FAM13A: variants seen among roughly 807,000 people sequenced by gnomAD.
The protein encoded by FAM13A is protein FAM13A.
Under a neutral mutation model 129.6 loss-of-function variants are expected in FAM13A, and 76 were observed. The observed-to-expected ratio is 0.59, with a 90% CI of 0.49 to 0.71. The LOEUF (loss-of-function observed/expected upper bound fraction) is 0.71. Among genes scored for constraint, FAM13A ranks in the 30% least tolerant of loss-of-function variants. FAM13A has a pLI of 0.00. For missense variants in FAM13A, 1,108 were observed against 1,249.3 expected, an observed-to-expected ratio of 0.89 and a Z score of 1.70; for synonymous variants, 443 against 449.9, an observed-to-expected ratio of 0.98 and a Z score of 0.20.
At chr4:88,945,988 GTGTATATATATATATATATATATA>G (rs1455227428) in intron 4 of FAM13A, among the ~76,000 whole-genome samples, 1 of 13,676 alleles carries the variant, frequency 7.3e-5, no homozygotes, top group African/African-American at 3.3e-4. Context: ...GTGTGTGTGT[GTGTATATATATATATATATATATA>G]TATATATATA....
chr4:88,762,951 G>A (rs182966209), intron 13 of FAM13A, among the ~76,000 whole-genome samples: 1 of 152,176 alleles, frequency 6.6e-6, no homozygotes, highest in East Asian at 1.9e-4. Context: ...ACTAAACATT[G>A]TCAAAAATGC....
At chr4:88,731,292 G>C (rs76146228) in intron 23 of FAM13A, 35 bp downstream of exon 23, 4 of 1,200,636 alleles carry the variant, frequency 3.3e-6, no homozygotes, top group East Asian at 2.3e-5. Context: ...TGGTGCGGCG[G>C]GGGGGAAGGG....
At chr4:88,885,386 A>C (rs1744244262) in intron 6 of FAM13A, among the ~76,000 whole-genome samples, 1 of 152,206 alleles carries the variant, frequency 6.6e-6, no homozygotes, top group Non-Finnish European at 1.5e-5. Flanking sequence ...TCAATGAAGC[A>C]AACTAAAAGA....
At chr4:88,952,571 T>C (rs192202420) in intron 4 of FAM13A, among the ~76,000 whole-genome samples, 1 of 152,350 alleles carries the variant, frequency 6.6e-6, no homozygotes, top group African/African-American at 2.4e-5. Context: ...ATATTATTCT[T>C]ATTTTGTTCT....
At chr4:88,947,315 G>A (rs944171996) in intron 4 of FAM13A, among the ~76,000 whole-genome samples, 6 of 152,180 alleles carry the variant, frequency 3.9e-5, no homozygotes, top group African/African-American at 9.6e-5. Context: ...GGAGGCTAAA[G>A]CATGAGAATG....
At chr4:88,819,738 C>T (rs1269258626) in intron 7 of FAM13A, among the ~76,000 whole-genome samples, 3 of 151,974 alleles carry the variant, frequency 2.0e-5, no homozygotes, top group Non-Finnish European at 4.4e-5. Flanking sequence ...GAACTTTTTC[C>T]GATGCTAAGA....
At chr4:88,886,969 A>C (rs1744529544) in intron 6 of FAM13A, among the ~76,000 whole-genome samples, 1 of 152,296 alleles carries the variant, frequency 6.6e-6, no homozygotes, top group East Asian at 1.9e-4. Context: ...TCAGCCATAA[A>C]AAGGAACAAA....
intron 4 of FAM13A, among the ~76,000 whole-genome samples, chr4:88,939,641 C>T (rs937559493): frequency 1.3e-5 from 2 of 151,974 alleles, no homozygotes; most frequent in Non-Finnish European, 2.9e-5. Flanking sequence ...CTGTGACTTG[C>T]TTCTGATCAA....
chr4:88,960,525 CA>C (rs1050898299), intron 4 of FAM13A, among the ~76,000 whole-genome samples: 1 of 152,112 alleles, frequency 6.6e-6, no homozygotes, highest in Non-Finnish European at 1.5e-5. Flanking sequence ...AGAAAATACA[CA>C]AAAGTGCACA....
At chr4:88,863,160 G>A (rs1432492118) in intron 6 of FAM13A, among the ~76,000 whole-genome samples, 1 of 152,124 alleles carries the variant, frequency 6.6e-6, no homozygotes, top group African/African-American at 2.4e-5. Flanking sequence ...GCTGCCAGAG[G>A]AACTAACTGC....
At chr4:88,862,959 T>A (rs1057425853) in intron 6 of FAM13A, among the ~76,000 whole-genome samples, 1 of 151,886 alleles carries the variant, frequency 6.6e-6, no homozygotes, top group African/African-American at 2.4e-5. Context: ...CCTTTTTTAT[T>A]TTTTCTTCCT....
chr4:88,830,547 A>T (rs1430948596), intron 7 of FAM13A, among the ~76,000 whole-genome samples: 1 of 152,218 alleles, frequency 6.6e-6, no homozygotes. Flanking sequence ...TCTATATAAG[A>T]TTGCAAAAGA....
chr4:88,985,768 C>G (rs1762149060), intron 4 of FAM13A, among the ~76,000 whole-genome samples: 1 of 150,684 alleles, frequency 6.6e-6, no homozygotes, highest in East Asian at 2.0e-4. Flanking sequence ...AGATGGGAAA[C>G]AAACGACCAT....
intron 4 of FAM13A, among the ~76,000 whole-genome samples, chr4:88,977,743 G>C (rs1478073348): frequency 6.6e-6 from 1 of 152,062 alleles, no homozygotes; most frequent in African/African-American, 2.4e-5. Context: ...ATTACTTTTT[G>C]TTTTGAAAAC....
intron 11 of FAM13A, among the ~76,000 whole-genome samples, chr4:88,780,005 A>T (rs1443640199): frequency 1.3e-5 from 2 of 152,200 alleles, no homozygotes; most frequent in African/African-American, 4.8e-5. Context: ...TTTTATTTAA[A>T]TATTTACTTT....
At chr4:88,879,642 A>T (rs1444013844) in intron 6 of FAM13A, among the ~76,000 whole-genome samples, 1 of 152,144 alleles carries the variant, frequency 6.6e-6, no homozygotes, top group Non-Finnish European at 1.5e-5. Flanking sequence ...AGCTCTGGCC[A>T]ATGGGTTCTG....
chr4:88,813,253 TG>T (rs1248733720), intron 7 of FAM13A, among the ~76,000 whole-genome samples: 1 of 152,146 alleles, frequency 6.6e-6, no homozygotes, highest in Non-Finnish European at 1.5e-5. Context: ...ACACAAAGAT[TG>T]TTTGAGGTTT....
intron 6 of FAM13A, among the ~76,000 whole-genome samples, chr4:88,877,230 T>C (rs1346545134): frequency 6.6e-6 from 1 of 152,200 alleles, no homozygotes; most frequent in African/African-American, 2.4e-5. Context: ...TGTAATTCTT[T>C]AGCAAAAATT....
intron 19 of FAM13A, among the ~76,000 whole-genome samples, chr4:88,741,051 T>C (rs1045208025): frequency 5.9e-5 from 9 of 152,212 alleles, no homozygotes; most frequent in African/African-American, 2.2e-4. Flanking sequence ...GTTGAACATC[T>C]GGAACTCTCC....
Sources: allele counts gnomAD v4.1 joint callset (sites outside exome capture counted in the v4.1 genomes callset), GRCh38; gene constraint gnomAD v4.1.1; transcripts MANE v1.5; gene names NCBI Gene and HGNC (gene_info 2026-07-23, HGNC 2026-07-21).